The following USP54 variants were observed in gnomAD, a reference collection of about 807,000 sequenced individuals.
The protein encoded by USP54 is ubiquitin specific peptidase 54, also known as ubiquitin carboxyl-terminal hydrolase 54.
A neutral mutation model predicts 170.5 loss-of-function variants in USP54; 87 were observed. That is an observed-to-expected ratio of 0.51 (90% CI 0.43 to 0.61). USP54 has a LOEUF of 0.61. Among genes scored for constraint, USP54 ranks in the 20% least tolerant of loss-of-function variants. The pLI is 0.00. For missense variants in USP54, 1,786 were observed against 2,047.8 expected (o/e 0.87, Z 2.47); for synonymous variants, 655 against 742.8 (o/e 0.88, Z 1.92).
intron 4 of USP54, among the ~76,000 whole-genome samples, chr10:73,555,731 C>A (rs1394928163): frequency 6.6e-6 from 1 of 152,128 alleles, no homozygotes; most frequent in African/African-American, 2.4e-5. Context: ...TACATAACCA[C>A]TTACCCCACA....
chr10:73,596,104 T>C (rs1589365242), upstream of USP54, among the ~76,000 whole-genome samples: 1 of 129,596 alleles, frequency 7.7e-6, no homozygotes, highest in South Asian at 2.5e-4. Context: ...GAGCCAAGAC[T>C]CCATCTCAAA....
intron 7 of USP54, 104 bp downstream of exon 7, chr10:73,542,699 G>A (rs920193500): frequency 4.2e-5 from 50 of 1,180,612 alleles, no homozygotes; most frequent in African/African-American, 2.8e-4. Context: ...CCACTGCACT[G>A]CAGCCTGGGC....
Position 73,544,708 on chromosome 10 carries a change from CT to C in USP54, c.375+829del, listed in dbSNP as rs534713811. Among the ~76,000 whole-genome samples the C allele has an allele frequency of 1.9e-3, 280 of 148,990 alleles. 1 individual carries two copies. Among genetic ancestry groups the C allele is most frequent in the African/African-American group, 6.0e-3 (245 of 40,584 alleles). ...GAGATATGTATCACTCTCAAATTTT[CT>C]TTTTTTTTTCTTTTTTTCTTTTGAG... On this transcript the variant is annotated intron_variant, in intron 5 of 23. Coordinates refer to ENST00000687698, the MANE Select transcript of USP54 (RefSeq NM_001391956.1).
chr10:73,620,581 C>T (rs1315428559), intron 1 of USP54, among the ~76,000 whole-genome samples: 1 of 148,694 alleles, frequency 6.7e-6, no homozygotes, highest in South Asian at 2.1e-4. Flanking sequence ...CCTTAGCCTC[C>T]CAAAGTGCTG....
chr10:73,588,246 G>A (rs2077762434), intron 1 of USP54, among the ~76,000 whole-genome samples: 1 of 151,966 alleles, frequency 6.6e-6, no homozygotes, highest in Non-Finnish European at 1.5e-5. Flanking sequence ...TTTTGAGACG[G>A]AGTCTCGCAG....
At chr10:73,543,857 C>T (rs530621998) in intron 5 of USP54, among the ~76,000 whole-genome samples, 80 of 152,310 alleles carry the variant, frequency 5.3e-4, no homozygotes, top group African/African-American at 1.8e-3. Context: ...CAAACCTAAC[C>T]CTAACCTGTG....
Position 73,529,702 on chromosome 10 carries a change from GC to G in USP54, c.2037del (p.Pro680LeufsTer36). On this transcript the variant is annotated frameshift_variant, in exon 15 of 24. Transcript: ENST00000687698. LOFTEE classifies it high-confidence loss of function. ...TACCTGTAGACATTTGAGCTCTCAG[GC>G]AGGGCTGCATCCAGGCTGACAGGGC... is the stretch of plus-strand genomic sequence containing the variant. ...SSSPVSLDAA[L>X]PESSNVYRDP... 6.2e-7 allele frequency: 1 copy of G among 1,614,076 alleles called. No individual in the cohort carries two copies. Among genetic ancestry groups the G allele is most frequent in the Non-Finnish European group, 8.5e-7 (1 of 1,179,948 alleles).
chr10:73,581,209 G>A (rs2076861994), intron 1 of USP54, among the ~76,000 whole-genome samples: 1 of 152,258 alleles, frequency 6.6e-6, no homozygotes, highest in African/African-American at 2.4e-5. Flanking sequence ...TGGATCACTT[G>A]AGGCCTGGAG....
chr10:73,607,550 G>A (rs943116433), intron 1 of USP54, among the ~76,000 whole-genome samples: 2 of 151,992 alleles, frequency 1.3e-5, no homozygotes, highest in African/African-American at 4.8e-5. Context: ...TAAGAAGTAG[G>A]CCGGGTACGG....
chr10:73,594,976 A>G (rs1022324081), upstream of USP54, among the ~76,000 whole-genome samples: 1 of 151,594 alleles, frequency 6.6e-6, no homozygotes, highest in Non-Finnish European at 1.5e-5. Context: ...CCCAGGCTGG[A>G]GTATAGTGCC....
chr10:73,580,636 G>C (rs1238695494), intron 1 of USP54, among the ~76,000 whole-genome samples: 1 of 152,090 alleles, frequency 6.6e-6, no homozygotes, highest in East Asian at 1.9e-4. Context: ...GCAATGGTGT[G>C]ATCTTGGCTC....
In USP54 at chr10:73,498,622, A is replaced by G; in HGVS notation, c.*7T>C. 6.6e-7 allele frequency: 1 copy of G among 1,520,630 alleles called. No homozygotes were observed. The highest frequency in any genetic ancestry group is 8.8e-7 in the Non-Finnish European group (1 of 1,134,174). The allele number at this position is 1,520,630 out of a possible 1,614,324, so 94.2% of individuals were successfully genotyped here. A position where few individuals can be genotyped will look rare whatever the true frequency, so the allele number is the denominator to read the frequency against. ...GGTGTAGCTCCAGGAAAGGAAAGGA[A>G]TAACCTTTACCATTGACTGTGCTGC... On this transcript the variant is annotated 3_prime_UTR_variant, in exon 24 of 24. Transcript: ENST00000687698.
At chr10:73,605,750 CA>C (rs2079565884) in intron 1 of USP54, among the ~76,000 whole-genome samples, 2 of 151,980 alleles carry the variant, frequency 1.3e-5, no homozygotes, top group African/African-American at 4.8e-5. Flanking sequence ...GGACAAATAC[CA>C]ATGACTCCAT....
chr10:73,603,132 T>C (rs140729734), intron 1 of USP54, among the ~76,000 whole-genome samples: 171 of 152,070 alleles, frequency 1.1e-3, no homozygotes, highest in African/African-American at 3.7e-3. Flanking sequence ...GTCTAAGGAG[T>C]ATAAACTATG....
intron 20 of USP54, among the ~76,000 whole-genome samples, chr10:73,510,202 G>A (rs1270175498): frequency 6.6e-6 from 1 of 151,978 alleles, no homozygotes; most frequent in East Asian, 1.9e-4. Context: ...TGGCATGGTG[G>A]CACGTGCCTG....
chr10:73,591,917 T>G (rs1204402376), upstream of USP54, among the ~76,000 whole-genome samples: 1 of 152,204 alleles, frequency 6.6e-6, no homozygotes. Context: ...CCAACTGTCT[T>G]AAACGAGCCA....
Position 73,542,714 on chromosome 10 carries a change from G to C in USP54, c.572+89C>G. ...CCACTGCACTGCAGCCTGGGCAACAGAGCGAGACTCTGTCTCAAAAAAAAA... is the reference window on the plus strand; with the variant it reads ...CCACTGCACTGCAGCCTGGGCAACACAGCGAGACTCTGTCTCAAAAAAAAA... On this transcript the variant is annotated intron_variant, in intron 7 of 23. Transcript: ENST00000687698. 4 of 1,340,040 alleles carry C rather than the reference G, an allele frequency of 3.0e-6. No individual in the cohort carries two copies. In the South Asian group the frequency reaches 3.8e-5, roughly 13 times the overall value. 83.0% of individuals were successfully genotyped at this position (1,340,040 alleles called of 1,614,324 possible). A position where few individuals can be genotyped will look rare whatever the true frequency, so the allele number is the denominator to read the frequency against.
chr10:73,539,568 C>T lies in USP54; in HGVS notation c.851G>A (p.Arg284Gln), dbSNP rs762526063. 2.1e-5 allele frequency: 34 copies of T among 1,605,122 alleles called. No homozygotes were observed. The highest frequency in any genetic ancestry group is 3.3e-4 in the Middle Eastern group (2 of 6,050). The change falls in exon 10 of 24, where the codon CGG (arginine) becomes CAG (glutamine). Residue 284 changes from arginine (R) to glutamine (Q), a missense_variant. By Grantham distance (43) the Arg-to-Gln change is conservative (BLOSUM62 1). Around this residue, in one of 3 missense-constraint regions of USP54, gnomAD observed 361 missense variants for 455.0 expected, o/e 0.79. Transcript: ENST00000687698. Reference protein sequence around the residue: ...GDLFFRVTDDRAKQSELYLVG... With the variant: ...GDLFFRVTDDQAKQSELYLVG... ...TAAGTACAGTTCAGATTGCTTGGCC[C>T]GGTCATCCGTCACTCTGAAAAACAG...
rs189105214 is a variant in USP54 at position 73,553,058 on chromosome 10, G to C, written c.241-7386C>G. 3.6e-3 allele frequency among the ~76,000 whole-genome samples: 543 copies of C among 152,208 alleles called. 2 individuals are homozygous for C. Among genetic ancestry groups the C allele is most frequent in the Non-Finnish European group, 6.2e-3 (419 of 68,010 alleles). ...CATTCTGTTTCTCCCACTCAAAGGA[G>C]GCATATTTCCCATGACCTAGATAAC... On this transcript the variant is annotated intron_variant, in intron 4 of 23. Coordinates refer to ENST00000687698, the MANE Select transcript of USP54 (RefSeq NM_001391956.1).
Sources: allele counts gnomAD v4.1 joint callset (sites outside exome capture counted in the v4.1 genomes callset), GRCh38; gene constraint gnomAD v4.1.1; regional missense constraint gnomAD v4.1.1; transcripts MANE v1.5; gene names NCBI Gene and HGNC (gene_info 2026-07-23, HGNC 2026-07-21).